The following SPTB variants were observed in gnomAD, a reference collection of about 807,000 sequenced individuals.
The protein encoded by SPTB is spectrin beta, erythrocytic.
In SPTB, 45 loss-of-function variants were observed where a neutral mutation model predicts 256.2. That is an observed-to-expected ratio of 0.18 (90% CI 0.14 to 0.23). The LOEUF is 0.23. SPTB is among the 10% of genes least tolerant of loss of function. The pLI is 1.00. For missense variants in SPTB, 2,715 were observed against 3,040.4 expected, an observed-to-expected ratio of 0.89 and a Z score of 2.52; for synonymous variants, 1,231 against 1,243.1, an observed-to-expected ratio of 0.99 and a Z score of 0.21.
Position 64,792,429 on chromosome 14 carries a change from A to G in SPTB, c.2666+568T>C, listed in dbSNP as rs1197769637. 6.6e-6 allele frequency among the ~76,000 whole-genome samples: 1 copy of G among 152,174 alleles called. No homozygotes were observed. Among genetic ancestry groups the G allele is most frequent in the Non-Finnish European group, 1.5e-5 (1 of 68,022 alleles). ...CAGCACCACCTTGGCACTGTTCCAG[A>G]GAGCGGCCTCTCCTTCTCCTGACTG... On this transcript the variant is annotated intron_variant, in intron 14 of 35. Transcript: ENST00000644917. The surrounding 1 kb of genome is among the most constrained non-coding windows in gnomAD (Gnocchi z 4.2).
intron 2 of SPTB, among the ~76,000 whole-genome samples, chr14:64,820,052 C>T (rs2083261573): frequency 6.6e-6 from 1 of 152,136 alleles, no homozygotes; most frequent in South Asian, 2.1e-4. Context: ...ACCCCAGGAC[C>T]TTCAGTTTCA....
intron 1 of SPTB, among the ~76,000 whole-genome samples, chr14:64,862,872 A>AC (rs1881938448): frequency 2.9e-5 from 1 of 34,522 alleles, no homozygotes; most frequent in Non-Finnish European, 3.0e-4. Flanking sequence ...AACAATAACA[A>AC]CAAAAAAAAA....
In SPTB at chr14:64,759,619, T is replaced by C. The variant is rs114484594; in HGVS notation, c.6346-5826A>G. On this transcript the variant is annotated intron_variant, in intron 32 of 35. Coordinates refer to ENST00000644917, the MANE Select transcript of SPTB (RefSeq NM_001355436.2). The surrounding 1 kb of genome is among the most constrained non-coding windows in gnomAD (Gnocchi z 4.8). ...ATGCTGGCTACTCATGTGGCTGAGA[T>C]GTGACTAAGGGACCGGCAGGTTCTG... Among the ~76,000 whole-genome samples, 942 of 152,314 alleles carry C rather than the reference T, an allele frequency of 6.2e-3. 10 individuals carry two copies. The highest frequency in any genetic ancestry group is 0.021 in the African/African-American group (880 of 41,552).
chr14:64,792,949 C>A lies in SPTB; in HGVS notation c.2666+48G>T. ...TTACCAAACTAGGTGGGAGATGGTG[C>A]CCAGGCCTGGGTACAGGGACGTGAG... On this transcript the variant is annotated intron_variant, in intron 14 of 35. Coordinates refer to ENST00000644917, the MANE Select transcript of SPTB (RefSeq NM_001355436.2). This position sits in a 1 kb window ranked among gnomAD's most constrained non-coding sequence, Gnocchi z 4.2. 1 of 1,613,168 alleles carries A rather than the reference C, an allele frequency of 6.2e-7. No homozygotes were observed. The highest frequency in any genetic ancestry group is 1.1e-5 in the South Asian group (1 of 91,008).
intron 24 of SPTB, 121 bp from the exon 25 acceptor site, chr14:64,773,545 C>G: frequency 9.3e-7 from 1 of 1,070,754 alleles, no homozygotes; most frequent in Admixed American, 1.7e-5. Flanking sequence ...GAGTGAAGCT[C>G]TGGAGAAATG....
In SPTB at chr14:64,758,531, A is replaced by ACGG; in HGVS notation, c.6346-4741_6346-4739dup. ...GAGGCCCCAGGTCCGGCCAAAGACA[A>ACGG]CGGCGTGCTGCTGAGTGGAGGGCTC... is the stretch of plus-strand genomic sequence containing the variant. On this transcript the variant is annotated intron_variant, in intron 32 of 35. Coordinates refer to ENST00000644917, the MANE Select transcript of SPTB (RefSeq NM_001355436.2). The surrounding 1 kb of genome is among the most constrained non-coding windows in gnomAD (Gnocchi z 4.6). Among the ~76,000 whole-genome samples, 1 of 152,398 alleles carries ACGG rather than the reference A, an allele frequency of 6.6e-6. No homozygotes were observed. The highest frequency in any genetic ancestry group is 2.1e-4 in the South Asian group (1 of 4,834).
rs2082804196 is a variant in SPTB, at chr14:64,797,753, C to T, written c.1158G>A (p.Gly386=). 3.1e-6 allele frequency: 5 copies of T among 1,613,704 alleles called. No homozygotes were observed. The South Asian group carries it at 5.5e-5, about 18-fold the overall frequency. The change falls in exon 10 of 36, where the codon GGG becomes GGA. Residue 386 remains glycine, a synonymous_variant. Transcript: ENST00000644917. ...NNQKVYTPHD[G]KLVSDINRAW... Reference sequence around the variant, plus strand: ...CCCTGTTGATGTCAGACACTAGTTTCCCATCGTGGGGTGTGTACACTTTCT... The same window carrying T: ...CCCTGTTGATGTCAGACACTAGTTTTCCATCGTGGGGTGTGTACACTTTCT...
In SPTB at chr14:64,779,203, T is replaced by C. The variant is rs1190796752; in HGVS notation, c.4517A>G (p.Tyr1506Cys). The C allele has an allele frequency of 3.7e-6, 6 of 1,613,896 alleles. No individual in the cohort carries two copies. The East Asian group carries it at 6.7e-5, about 18-fold the overall frequency. ...ERLPLAQSAD[Y>C]GTNLQTVQLF... ...TTGCACAGTTTGCAGATTAGTGCCA[T>C]AGTCGGCTGACTGGGCCAGAGGCAG... is the stretch of plus-strand genomic sequence containing the variant. Residue 1506 changes from tyrosine (Y) to cysteine (C), a missense_variant, in exon 22 of 36, where the codon TAT becomes TGT. By Grantham distance (194) the Tyr-to-Cys change is radical. Around this residue, in one of 4 missense-constraint regions of SPTB, gnomAD observed 2,239 missense variants for 2,384.4 expected, o/e 0.94. Transcript: ENST00000644917. The surrounding 1 kb of genome is among the most constrained non-coding windows in gnomAD (Gnocchi z 4.2).
rs1375026932 is a variant in SPTB, at chr14:64,816,879, C to T, written c.148+6068G>A. Among the ~76,000 whole-genome samples, 3 of 152,308 alleles carry T rather than the reference C, an allele frequency of 2.0e-5. No individual in the cohort carries two copies. Among genetic ancestry groups the T allele is most frequent in the East Asian group, 1.9e-4 (1 of 5,184 alleles). On this transcript the variant is annotated intron_variant, in intron 2 of 35. Transcript: ENST00000644917. This position sits in a 1 kb window ranked among gnomAD's most constrained non-coding sequence, Gnocchi z 4.2. ...TGGCTTTTCCTGAGAGCCATAAACA[C>T]AGACAAGGCCTGGGGTCAGAGCTTG...
Position 64,749,292 on chromosome 14 carries a change from GC to G in SPTB, c.*13del. On this transcript the variant is annotated 3_prime_UTR_variant, in exon 36 of 36. Transcript: ENST00000644917. This position sits in a 1 kb window ranked among gnomAD's most constrained non-coding sequence, Gnocchi z 4.7. ...TGCGCGTCCCGACTCCGCCGCGCCC[GC>G]CAGCCCCACCTGCTACTTCTTTTTG... is the stretch of plus-strand genomic sequence containing the variant. The G allele has an allele frequency of 6.3e-7, 1 of 1,579,722 alleles. No individual in the cohort carries two copies. Among genetic ancestry groups the G allele is most frequent in the Non-Finnish European group, 8.6e-7 (1 of 1,166,884 alleles).
In SPTB at chr14:64,796,916, G is replaced by A. The variant is rs1470846942; in HGVS notation, c.1183-201C>T. ...GCCCATCAAAGATTCAGAGGGCACT[G>A]CTCATGAGTCTCACTTCCCTCTTCC... On this transcript the variant is annotated intron_variant, in intron 10 of 35. Coordinates refer to ENST00000644917, the MANE Select transcript of SPTB (RefSeq NM_001355436.2). The surrounding 1 kb of genome is among the most constrained non-coding windows in gnomAD (Gnocchi z 4.1). 6.6e-6 allele frequency among the ~76,000 whole-genome samples: 1 copy of A among 152,160 alleles called. No individual in the cohort carries two copies. Among genetic ancestry groups the A allele is most frequent in the Admixed American group, 6.5e-5 (1 of 15,278 alleles).
chr14:64,763,811 G>T (rs762566233), intron 32 of SPTB: 1 of 519,046 alleles, frequency 1.9e-6, no homozygotes, highest in South Asian at 1.4e-5. Flanking sequence ...AAAAAGGCAA[G>T]AGGTGAGGGA....
chr14:64,763,602 G>A (rs933749942), intron 32 of SPTB, among the ~76,000 whole-genome samples: 7 of 152,220 alleles, frequency 4.6e-5, no homozygotes, highest in African/African-American at 9.7e-5. Flanking sequence ...ATAAGAGCGC[G>A]GAGACTCAGG....
chr14:64,867,176 C>G (rs1481995235), intron 1 of SPTB, among the ~76,000 whole-genome samples: 1 of 152,226 alleles, frequency 6.6e-6, no homozygotes, highest in Non-Finnish European at 1.5e-5. Flanking sequence ...CTTCCCTCCT[C>G]ACCTCCGTCC....
intron 7 of SPTB, among the ~76,000 whole-genome samples, 177 bp downstream of exon 7, chr14:64,801,108 T>G (rs924948371): frequency 6.6e-6 from 1 of 152,186 alleles, no homozygotes; most frequent in African/African-American, 2.4e-5. Context: ...GGAACCAGCA[T>G]GGAGCAGAGA....
chr14:64,810,274 T>C lies in SPTB; in HGVS notation c.149-5184A>G, dbSNP rs972764125. ...AAGATGAATTACTCAATAAGGAGTA[T>C]TGGCAAAACTGGATGGCCAAGCAGG... On this transcript the variant is annotated intron_variant, in intron 2 of 35. Transcript: ENST00000644917. Among the ~76,000 whole-genome samples the C allele has an allele frequency of 1.2e-4, 18 of 152,294 alleles. No individual in the cohort carries two copies. The Middle Eastern group carries it at 0.014, about 115-fold the overall frequency.
intron 1 of SPTB, among the ~76,000 whole-genome samples, chr14:64,830,279 A>T (rs911040495): frequency 1.3e-5 from 2 of 150,994 alleles, no homozygotes; most frequent in African/African-American, 4.9e-5. Flanking sequence ...GGGACTTAGT[A>T]GGTACTCAAT....
rs1174097300 is a variant in SPTB, at chr14:64,779,461, A to C, written c.4474-215T>G. ...GCTCCTAGTCAGACAGTGGGAAGGT[A>C]ATGTAGCTGGATCTCGAACCCAAGT... On this transcript the variant is annotated intron_variant, in intron 21 of 35. Transcript: ENST00000644917. The surrounding 1 kb of genome is among the most constrained non-coding windows in gnomAD (Gnocchi z 4.2). Among the ~76,000 whole-genome samples the C allele has an allele frequency of 6.6e-6, 1 of 152,236 alleles. No individual in the cohort carries two copies. The highest frequency in any genetic ancestry group is 1.5e-5 in the Non-Finnish European group (1 of 68,046).
intron 2 of SPTB, among the ~76,000 whole-genome samples, chr14:64,821,016 A>G (rs1430524676): frequency 6.6e-6 from 1 of 151,966 alleles, no homozygotes; most frequent in African/African-American, 2.4e-5. Context: ...CCAACTTCCC[A>G]AGCAGCTCAT....
Sources: gnomAD v4.1 joint callset for allele counts (sites outside exome capture counted in the v4.1 genomes callset) on GRCh38, gnomAD v4.1.1 for gene constraint, gnomAD v4.1.1 regional missense constraint, Gnocchi (gnomAD v3.1) non-coding constraint, MANE v1.5 for transcripts, NCBI Gene and HGNC (gene_info 2026-07-23, HGNC 2026-07-21) for gene names.